The following AMPH variants were observed in gnomAD, a reference collection of about 807,000 sequenced individuals.
AMPH encodes the protein amphiphysin.
A neutral mutation model predicts 99.1 loss-of-function variants in AMPH; 49 were observed. The observed-to-expected ratio is 0.49, with a 90% CI of 0.39 to 0.63. AMPH has a LOEUF of 0.63. AMPH is among the 20% of genes least tolerant of loss of function. The pLI is 0.00. For missense variants in AMPH, 759 were observed against 863.4 expected, an observed-to-expected ratio of 0.88 and a Z score of 1.52; for synonymous variants, 314 against 317.3, an observed-to-expected ratio of 0.99 and a Z score of 0.11.
intron 4 of AMPH, among the ~76,000 whole-genome samples, 199 bp downstream of exon 4, chr7:38,494,234 C>T (rs1231453365): frequency 6.6e-6 from 1 of 152,216 alleles, no homozygotes; most frequent in Non-Finnish European, 1.5e-5. Context: ...GTTGGGATTA[C>T]AGGCATGAGC....
chr7:38,562,355 C>T (rs1051352064), intron 1 of AMPH, among the ~76,000 whole-genome samples: 2 of 152,160 alleles, frequency 1.3e-5, no homozygotes, highest in Non-Finnish European at 2.9e-5. Flanking sequence ...TTTAGAGTTT[C>T]CTTTTCTAAT....
chr7:38,609,373 C>T (rs1214407610), intron 1 of AMPH, among the ~76,000 whole-genome samples: 1 of 152,158 alleles, frequency 6.6e-6, no homozygotes, highest in Non-Finnish European at 1.5e-5. Flanking sequence ...TCTGCTAAGC[C>T]TCCCCACCAT....
chr7:38,545,352 A>C (rs1307467638), intron 1 of AMPH, among the ~76,000 whole-genome samples: 1 of 152,154 alleles, frequency 6.6e-6, no homozygotes, highest in East Asian at 1.9e-4. Context: ...TTACACCAAG[A>C]ACAGCTTGCT....
chr7:38,413,010 G>C (rs781598115), intron 17 of AMPH, among the ~76,000 whole-genome samples: 4 of 152,170 alleles, frequency 2.6e-5, no homozygotes, highest in Non-Finnish European at 4.4e-5. Context: ...AGGCAACACT[G>C]GAAGAGGGGG....
At chr7:38,464,003 T>C (rs1712397685) in intron 9 of AMPH, 6 of 1,226,660 alleles carry the variant, frequency 4.9e-6, no homozygotes, top group African/African-American at 3.1e-5. Context: ...TGCCACATGA[T>C]TGGGGTCATA....
At chr7:38,408,534 G>A (rs1785120683) in intron 17 of AMPH, among the ~76,000 whole-genome samples, 1 of 152,024 alleles carries the variant, frequency 6.6e-6, no homozygotes, top group Admixed American at 6.6e-5. Context: ...GGCCGAGGTG[G>A]GTGGATCACG....
intron 1 of AMPH, among the ~76,000 whole-genome samples, chr7:38,606,180 G>C (rs912996569): frequency 6.6e-6 from 1 of 152,058 alleles, no homozygotes; most frequent in Admixed American, 6.5e-5. Flanking sequence ...TTAGGGATTT[G>C]TTTTTTGCTT....
chr7:38,590,051 T>TG (rs1448477484), intron 1 of AMPH, among the ~76,000 whole-genome samples: 2 of 152,148 alleles, frequency 1.3e-5, no homozygotes, highest in Admixed American at 1.3e-4. Context: ...GAAGTGTTAC[T>TG]GGGGGGTCTT....
chr7:38,455,389 G>A (rs140404721), intron 11 of AMPH, among the ~76,000 whole-genome samples: 311 of 152,224 alleles, frequency 2.0e-3, no homozygotes, highest in African/African-American at 7.2e-3. Flanking sequence ...TTTATTCTGG[G>A]AGATTCTCAA....
chr7:38,422,761 G>A, intron 15 of AMPH, among the ~76,000 whole-genome samples: 1 of 152,060 alleles, frequency 6.6e-6, no homozygotes, highest in East Asian at 1.9e-4. Flanking sequence ...TAGAAGTACA[G>A]GCGCACATCA....
chr7:38,503,506 G>GCGA, intron 3 of AMPH, 144 bp downstream of exon 3: 2 of 575,286 alleles, frequency 3.5e-6, no homozygotes. Context: ...GGGGGGGTGG[G>GCGA]TGGTGGAATG....
intron 2 of AMPH, among the ~76,000 whole-genome samples, chr7:38,513,842 C>A (rs1584190279): frequency 6.6e-6 from 1 of 152,220 alleles, no homozygotes. Flanking sequence ...AACAGATCAG[C>A]TGTTCTTCCC....
chr7:38,525,281 G>T (rs200244707), intron 2 of AMPH, among the ~76,000 whole-genome samples: 6,970 of 34,032 alleles, frequency 0.2, 138 homozygotes, highest in Middle Eastern at 0.3. Flanking sequence ...TATATATAGA[G>T]AGAGAGAGAG....
At chr7:38,535,844 C>T (rs150611535) in intron 1 of AMPH, among the ~76,000 whole-genome samples, 330 of 152,284 alleles carry the variant, frequency 2.2e-3, no homozygotes, top group African/African-American at 7.4e-3. Flanking sequence ...AATGCTCCCT[C>T]ACCTGCTGCT....
chr7:38,421,245 T>C (rs1325339452), intron 16 of AMPH, among the ~76,000 whole-genome samples: 2 of 152,214 alleles, frequency 1.3e-5, no homozygotes, highest in East Asian at 1.9e-4. Context: ...ATCCGTGTAG[T>C]AGGTGTGAGT....
chr7:38,588,662 A>G (rs1792750303), intron 1 of AMPH, among the ~76,000 whole-genome samples: 3 of 152,114 alleles, frequency 2.0e-5, no homozygotes, highest in Admixed American at 2.0e-4. Context: ...CAACTCTCCA[A>G]TTATGGGGCA....
intron 1 of AMPH, among the ~76,000 whole-genome samples, chr7:38,605,990 T>C (rs542916173): frequency 5.2e-4 from 79 of 152,244 alleles, no homozygotes; most frequent in African/African-American, 1.8e-3. Flanking sequence ...CACAACTGTG[T>C]GGTGTAGAAA....
At chr7:38,444,666 T>A (rs1338580554) in intron 11 of AMPH, among the ~76,000 whole-genome samples, 3 of 152,134 alleles carry the variant, frequency 2.0e-5, no homozygotes, top group Non-Finnish European at 2.9e-5. Flanking sequence ...ACTGACACCT[T>A]GATCTCAGAC....
chr7:38,483,230 T>C (rs1159777085), intron 5 of AMPH, among the ~76,000 whole-genome samples: 1 of 152,072 alleles, frequency 6.6e-6, no homozygotes, highest in Non-Finnish European at 1.5e-5. Flanking sequence ...CCCTGGGGTC[T>C]ACAGAGAATA....
Sources: allele counts gnomAD v4.1 joint callset (sites outside exome capture counted in the v4.1 genomes callset), GRCh38; gene constraint gnomAD v4.1.1; transcripts MANE v1.5; gene names NCBI Gene and HGNC (gene_info 2026-07-23, HGNC 2026-07-21).